The following NBEAL1 variants were observed in gnomAD, a reference collection of about 807,000 sequenced individuals.
NBEAL1 encodes the protein neurobeachin-like protein 1.
NBEAL1 carries 273 observed loss-of-function variants against 351.3 expected under a neutral mutation model. The ratio of observed to expected loss-of-function variants is 0.78; its 90% confidence interval spans 0.70 to 0.86. The LOEUF is 0.86. Among genes scored for constraint, NBEAL1 ranks in the 40% least tolerant of loss-of-function variants. The pLI is 0.00. For synonymous variants in NBEAL1, 1,050 were observed against 1,086.4 expected, an observed-to-expected ratio of 0.97 and a Z score of 0.66; for missense variants, 2,961 against 3,201.3, an observed-to-expected ratio of 0.92 and a Z score of 1.81.
At chr2:203,154,097 G>T (rs965072592) in intron 35 of NBEAL1, among the ~76,000 whole-genome samples, 1 of 151,902 alleles carries the variant, frequency 6.6e-6, no homozygotes, top group Non-Finnish European at 1.5e-5. Context: ...TTAGCCGGGC[G>T]TAGTGACGTG....
intron 53 of NBEAL1, among the ~76,000 whole-genome samples, chr2:203,210,181 G>A (rs1180481031): frequency 2.6e-5 from 4 of 151,242 alleles, no homozygotes; most frequent in Non-Finnish European, 5.9e-5. Context: ...TGGCCAACAT[G>A]GTGAAACCCC....
At chr2:203,066,571 G>A (rs943326036) in intron 6 of NBEAL1, among the ~76,000 whole-genome samples, 7 of 152,050 alleles carry the variant, frequency 4.6e-5, no homozygotes, top group South Asian at 4.2e-4. Flanking sequence ...ATCATGGCCC[G>A]TTCTCAATGG....
In NBEAL1 at chr2:203,016,440, T is replaced by A. The variant is rs755416440; in HGVS notation, c.51+5T>A. ...TGGATGCTTTATTGTACAAAGGTAA[T>A]TGCTTTCCTTTTTATTTTTATGTTT... On this transcript the variant is annotated splice_donor_5th_base_variant and intron_variant, in intron 2 of 55. Coordinates refer to ENST00000683969, the MANE Select transcript of NBEAL1 (RefSeq NM_001378026.1). 4.1e-5 allele frequency: 58 copies of A among 1,431,958 alleles called. No homozygotes were observed. Among genetic ancestry groups the A allele is most frequent in the Admixed American group, 3.5e-4 (16 of 46,010 alleles). 88.7% of individuals were successfully genotyped at this position (1,431,958 alleles called of 1,614,324 possible).
rs1216880430 is a variant in NBEAL1 at position 203,217,642 on chromosome 2, T to C, written c.*288T>C. 1 of 983,160 alleles carries C rather than the reference T, an allele frequency of 1.0e-6. No individual in the cohort carries two copies. Among genetic ancestry groups the C allele is most frequent in the East Asian group, 8.0e-5 (1 of 12,426 alleles). 60.9% of individuals were successfully genotyped at this position (983,160 alleles called of 1,614,324 possible). A position where few individuals can be genotyped will look rare whatever the true frequency, so the allele number is the denominator to read the frequency against. On this transcript the variant is annotated 3_prime_UTR_variant, in exon 56 of 56. Transcript: ENST00000683969. The stretch of plus-strand genomic sequence containing the variant: ...GGTTCAATTTTCTTATTATTCCAAA[T>C]GATAAAATTTAAGATTTTTCTAATA...
Position 203,217,287 on chromosome 2 carries a change from G to C in NBEAL1, c.8105G>C (p.Gly2702Ala), listed in dbSNP as rs893541423. ...RSGQLSRKFWGSSKRLSQISA... is the reference protein window; with the variant it reads ...RSGQLSRKFWASSKRLSQISA... ...GGTCAGCTTTCTCGAAAATTTTGGG[G>C]ATCGAGCAAGCGGCTCAGCCAGATT... The change falls in exon 56 of 56, where the codon GGA (glycine) becomes GCA (alanine). Residue 2702 changes from glycine to alanine, a missense_variant. By Grantham distance (60) the Gly-to-Ala change is moderately conservative. Coordinates refer to ENST00000683969, the MANE Select transcript of NBEAL1 (RefSeq NM_001378026.1). 6.3e-7 allele frequency: 1 copy of C among 1,598,762 alleles called. No homozygotes were observed. Among genetic ancestry groups the C allele is most frequent in the Non-Finnish European group, 8.5e-7 (1 of 1,172,230 alleles).
Position 203,212,379 on chromosome 2 carries a change from G to A in NBEAL1, c.7935-1139G>A, listed in dbSNP as rs2065811087. 2.0e-5 allele frequency among the ~76,000 whole-genome samples: 3 copies of A among 151,816 alleles called. No individual in the cohort carries two copies. The South Asian group carries it at 6.2e-4, about 32-fold the overall frequency. ...CCCAGCACTTTGGGAGGCTGAGGTA[G>A]CTGGATCATTTGAGGTCAGGAGTTC... On this transcript the variant is annotated intron_variant, in intron 54 of 55. Transcript: ENST00000683969.
chr2:203,167,019 A>T (rs1418958858), intron 37 of NBEAL1, among the ~76,000 whole-genome samples: 1 of 152,228 alleles, frequency 6.6e-6, no homozygotes, highest in Admixed American at 6.5e-5. Flanking sequence ...ATTGTATTCT[A>T]ATGGGAAGGC....
chr2:203,062,498 C>A lies in NBEAL1; in HGVS notation c.515+5045C>A, dbSNP rs1347544226. The A allele has an allele frequency of 1.9e-5, 6 of 310,980 alleles. No homozygotes were observed. The highest frequency in any genetic ancestry group is 9.4e-5 in the Admixed American group (2 of 21,304). The allele number at this position is 310,980 out of a possible 1,614,324, so 19.3% of individuals were successfully genotyped here. ...GAGGCTGCCCCAGAACCACCTAAGGCCTCTCAGAGCTGAGGAGAGGGAGCC... is the reference window on the plus strand; with the variant it reads ...GAGGCTGCCCCAGAACCACCTAAGGACTCTCAGAGCTGAGGAGAGGGAGCC... On this transcript the variant is annotated intron_variant, in intron 6 of 55. Transcript: ENST00000683969. This position sits in a 1 kb window ranked among gnomAD's most constrained non-coding sequence, Gnocchi z 4.2.
chr2:203,083,381 A>C lies in NBEAL1; in HGVS notation c.847A>C (p.Asn283His). 1 of 1,555,516 alleles carries C rather than the reference A, an allele frequency of 6.4e-7. No individual in the cohort carries two copies. The highest frequency in any genetic ancestry group is 2.4e-5 in the East Asian group (1 of 42,020). Reference protein sequence around the residue: ...TEVVHILLSSNSDQRQVETST... With the variant: ...TEVVHILLSSHSDQRQVETST... ...AGTGGTACATATCCTTCTCAGTAGC[A>C]ACTCTGATCAGCGTCAAGTGGAAAC... The change falls in exon 9 of 56, where the codon AAC becomes CAC. Residue 283 changes from asparagine (N) to histidine (H), a missense_variant. Physicochemically the swap from Asn to His is moderately conservative, Grantham distance 68. Transcript: ENST00000683969.
Position 203,122,291 on chromosome 2 carries a change from A to C in NBEAL1, c.2630A>C (p.Asn877Thr). Residue 877 changes from asparagine to threonine, a missense_variant, in exon 19 of 56, where the codon AAT (asparagine) becomes ACT (threonine). Asn to Thr is a moderately conservative substitution (Grantham distance 65). Coordinates refer to ENST00000683969, the MANE Select transcript of NBEAL1 (RefSeq NM_001378026.1). Reference sequence around the variant, plus strand: ...TCAATCTGTCTTGATTTATCTACTAATTGTTTGCATGGAAGATTAACAGGA... The same window carrying C: ...TCAATCTGTCTTGATTTATCTACTACTTGTTTGCATGGAAGATTAACAGGA... ...KNSICLDLST[N>T]CLHGRLTGNK... 1 of 1,544,796 alleles carries C rather than the reference A, an allele frequency of 6.5e-7. No individual in the cohort carries two copies. The highest frequency in any genetic ancestry group is 8.7e-7 in the Non-Finnish European group (1 of 1,144,850).
At chr2:203,068,261 C>G in intron 6 of NBEAL1, 132 bp from the exon 7 acceptor site, 1 of 446,446 alleles carries the variant, frequency 2.2e-6, no homozygotes, top group Non-Finnish European at 4.0e-6. Context: ...CAAGATTATG[C>G]GGATCCTAGA....
chr2:203,126,260 T>A (rs2062934238), intron 21 of NBEAL1, among the ~76,000 whole-genome samples, 167 bp downstream of exon 21: 1 of 152,198 alleles, frequency 6.6e-6, no homozygotes, highest in Admixed American at 6.5e-5. Context: ...TATGGAATCA[T>A]CTTATACAAG....
chr2:203,193,899 A>G lies in NBEAL1; in HGVS notation c.7026A>G (p.Ser2342=), dbSNP rs1035883394. 3 of 1,597,932 alleles carry G rather than the reference A, an allele frequency of 1.9e-6. No individual in the cohort carries two copies. Among genetic ancestry groups the G allele is most frequent in the Non-Finnish European group, 1.7e-6 (2 of 1,167,078 alleles). The change falls in exon 47 of 56, where the codon TCA becomes TCG. Residue 2342 remains serine (S), a synonymous_variant. Transcript: ENST00000683969. ...TTCAACACCTTCCTGAACTCAAGTCATTTTTTATAGAGGTAATATCCTACT... is the reference window on the plus strand; with the variant it reads ...TTCAACACCTTCCTGAACTCAAGTCGTTTTTTATAGAGGTAATATCCTACT... ...NLFQHLPELK[S]FFIEGISDGI... is the part of the protein sequence containing the mutation.
At chr2:203,018,698 CTT>C (rs558046031) in intron 2 of NBEAL1, among the ~76,000 whole-genome samples, 38 of 152,150 alleles carry the variant, frequency 2.5e-4, no homozygotes, top group African/African-American at 8.9e-4. Flanking sequence ...ATAGTGAACT[CTT>C]TTGTGTCTGT....
intron 45 of NBEAL1, 75 bp downstream of exon 45, chr2:203,188,664 G>T: frequency 1.3e-6 from 1 of 787,266 alleles, no homozygotes; most frequent in Non-Finnish European, 2.0e-6. Context: ...ACAGTTATTT[G>T]AAGCCTATTT....
Position 203,172,292 on chromosome 2 carries a change from G to A in NBEAL1, c.6198+269G>A, listed in dbSNP as rs186967778. Among the ~76,000 whole-genome samples the A allele has an allele frequency of 1.8e-4, 28 of 152,230 alleles. 1 individual carries two copies. In the East Asian group the frequency reaches 4.4e-3, roughly 24 times the overall value. On this transcript the variant is annotated intron_variant, in intron 40 of 55. Coordinates refer to ENST00000683969, the MANE Select transcript of NBEAL1 (RefSeq NM_001378026.1). ...TCCCAGCACTTTGGGAAGCCAAGGC[G>A]GGTGGATCACCTGAGGTCAGGAGTT...
Position 203,084,558 on chromosome 2 carries a change from C to G in NBEAL1, c.1087C>G (p.Gln363Glu). The change falls in exon 10 of 56, where the codon CAG (glutamine) becomes GAG (glutamate). Residue 363 changes from glutamine (Q) to glutamate (E), a missense_variant. Physicochemically the swap from Gln to Glu is conservative, Grantham distance 29 (BLOSUM62 2). Transcript: ENST00000683969. Reference protein sequence around the residue: ...NCFEHLIRLLQNCKLFLNANN... With the variant: ...NCFEHLIRLLENCKLFLNANN... ...CTTTGAACATCTCATACGACTGCTA[C>G]AGAACTGCAAGGTATTTTTCTATTA... The G allele has an allele frequency of 6.6e-7, 1 of 1,505,014 alleles. No individual in the cohort carries two copies. The highest frequency in any genetic ancestry group is 8.9e-7 in the Non-Finnish European group (1 of 1,124,232). The allele number at this position is 1,505,014 out of a possible 1,614,324, so 93.2% of individuals were successfully genotyped here. A position where few individuals can be genotyped will look rare whatever the true frequency, so the allele number is the denominator to read the frequency against.
At position 203,126,719 on chromosome 2, in the gene NBEAL1, G is replaced by A; in HGVS notation, c.3145+3G>A. ...TGGAGATTTTCCCTTTCGAATCGGT[G>A]AGAGCAGGCTTTCAGATAAACATTT... is the stretch of plus-strand genomic sequence containing the variant. On this transcript the variant is annotated splice_donor_region_variant and intron_variant, in intron 22 of 55. Coordinates refer to ENST00000683969, the MANE Select transcript of NBEAL1 (RefSeq NM_001378026.1). 1 of 1,507,748 alleles carries A rather than the reference G, an allele frequency of 6.6e-7. No individual in the cohort carries two copies. Among genetic ancestry groups the A allele is most frequent in the Non-Finnish European group, 8.9e-7 (1 of 1,127,772 alleles). 93.4% of individuals were successfully genotyped at this position (1,507,748 alleles called of 1,614,324 possible).
chr2:203,042,383 C>T (rs2061156309), intron 3 of NBEAL1, among the ~76,000 whole-genome samples: 1 of 152,192 alleles, frequency 6.6e-6, no homozygotes, highest in Non-Finnish European at 1.5e-5. Flanking sequence ...CTTCCACGCC[C>T]TCTCCCCATG....
Sources: gnomAD v4.1 joint callset for allele counts (sites outside exome capture counted in the v4.1 genomes callset) on GRCh38, gnomAD v4.1.1 for gene constraint, Gnocchi (gnomAD v3.1) non-coding constraint, MANE v1.5 for transcripts, NCBI Gene and HGNC (gene_info 2026-07-23, HGNC 2026-07-21) for gene names.